Variants in PIEZO1 observed in about 807,000 individuals in gnomAD.
PIEZO1 encodes the protein piezo-type mechanosensitive ion channel component 1.
A neutral mutation model predicts 297.2 loss-of-function variants in PIEZO1; 296 were observed. The ratio of observed to expected loss-of-function variants is 1.00; its 90% CI spans 0.91 to 1.10. The LOEUF is 1.10. Ranked by LOEUF, PIEZO1 falls within the 50% of genes least tolerant of loss-of-function variation. The probability of loss-of-function intolerance (pLI) is 0.00; values close to 1 mark genes in which losing one functional copy is unlikely to be tolerated. For synonymous variants in PIEZO1, 2,427 were observed against 1,507.5 expected (o/e 1.61, Z -14.13); for missense variants, 5,018 against 3,455.5 (o/e 1.45, Z -11.34).
chr16:88,756,487 C>T (rs1277982088), intron 1 of PIEZO1, among the ~76,000 whole-genome samples: 2 of 152,386 alleles, frequency 1.3e-5, no homozygotes, highest in East Asian at 3.9e-4. Flanking sequence ...GGCACCGTGG[C>T]TCACGCCTGT....
intron 1 of PIEZO1, among the ~76,000 whole-genome samples, chr16:88,781,350 C>T (rs1046674739): frequency 7.9e-5 from 12 of 152,234 alleles, no homozygotes; most frequent in African/African-American, 2.2e-4. Flanking sequence ...GTGTCCTGGG[C>T]ACCAGTGACC....
intron 47 of PIEZO1, 35 bp from the exon 48 acceptor site, chr16:88,716,518 G>T (rs752462348): frequency 1.5e-5 from 23 of 1,537,782 alleles, no homozygotes; most frequent in Non-Finnish European, 2.0e-5. Context: ...CCACTGTAGT[G>T]GGTCCACCCA....
chr16:88,784,260 C>T lies in PIEZO1; in HGVS notation c.64+641G>A, dbSNP rs192566927. The stretch of plus-strand genomic sequence containing the variant: ...AGACCAGGGCAGAGGCCGGCCCCCG[C>T]CCCTGCGAAACTGAGCCCAGTAGGG... On this transcript the variant is annotated intron_variant, in intron 1 of 50. Coordinates refer to ENST00000301015, the MANE Select transcript of PIEZO1 (RefSeq NM_001142864.4). 1.5e-3 allele frequency among the ~76,000 whole-genome samples: 234 copies of T among 152,362 alleles called. 2 individuals carry two copies. The highest frequency in any genetic ancestry group is 3.1e-3 in the Admixed American group (47 of 15,314).
In PIEZO1 at chr16:88,719,735, G is replaced by C. The variant is rs147634754; in HGVS notation, c.6324-14C>G. On this transcript the variant is annotated splice_polypyrimidine_tract_variant and intron_variant, in intron 43 of 50. Coordinates refer to ENST00000301015, the MANE Select transcript of PIEZO1 (RefSeq NM_001142864.4). ...ACCAGCCGGAACCTGCCCACAGCCA[G>C]GGTTCCCGTCAGGTGGGCTCCCTCA... The C allele has an allele frequency of 6.4e-7, 1 of 1,550,536 alleles. No homozygotes were observed. Among genetic ancestry groups the C allele is most frequent in the Admixed American group, 2.0e-5 (1 of 51,016 alleles).
In PIEZO1 at chr16:88,736,123, C is replaced by T. The variant is rs768459797; in HGVS notation, c.1557+25G>A. 1.4e-4 allele frequency: 216 copies of T among 1,525,740 alleles called. 1 individual carries two copies. Among genetic ancestry groups the T allele is most frequent in the South Asian group, 6.7e-4 (55 of 82,322 alleles). The allele number at this position is 1,525,740 out of a possible 1,614,324, so 94.5% of individuals were successfully genotyped here. A position where few individuals can be genotyped will look rare whatever the true frequency, so the allele number is the denominator to read the frequency against. Reference sequence around the variant, plus strand: ...TGATGGGTCTGCGCACCCAGGCACCCCCGGATGTGGTGGTGCACACTCACC... The same window carrying T: ...TGATGGGTCTGCGCACCCAGGCACCTCCGGATGTGGTGGTGCACACTCACC... On this transcript the variant is annotated intron_variant, in intron 12 of 50. Transcript: ENST00000301015.
intron 3 of PIEZO1, 21 bp from the exon 4 acceptor site, chr16:88,742,116 A>G (rs1434055909): frequency 6.5e-7 from 1 of 1,535,390 alleles, no homozygotes; most frequent in East Asian, 2.4e-5. Context: ...AGACGGGGGA[A>G]CCCAGGTCAG....
rs574660946 is a variant in PIEZO1 at position 88,732,102 on chromosome 16, G to C, written c.2992-192C>G. Among the ~76,000 whole-genome samples, 6 of 152,000 alleles carry C rather than the reference G, an allele frequency of 3.9e-5. No homozygotes were observed. The South Asian group carries it at 1.0e-3, about 26-fold the overall frequency. ...GTTGCCATCGTGCAGGGGAAACTGA[G>C]GCTCCAGGAGGTGGGCTGTACAGTA... On this transcript the variant is annotated intron_variant, in intron 21 of 50. Transcript: ENST00000301015.
chr16:88,715,366 AT>A lies in PIEZO1; in HGVS notation c.*238del. ...GATTGTCCATTTGTATAAATAAAAC[AT>A]TTTTTAATTAAAAAAAAAACTCTAC... On this transcript the variant is annotated 3_prime_UTR_variant, in exon 51 of 51. Coordinates refer to ENST00000301015, the MANE Select transcript of PIEZO1 (RefSeq NM_001142864.4). The A allele has an allele frequency of 8.3e-7, 1 of 1,208,238 alleles. No homozygotes were observed. Among genetic ancestry groups the A allele is most frequent in the Non-Finnish European group, 1.1e-6 (1 of 879,544 alleles). 74.8% of individuals were successfully genotyped at this position (1,208,238 alleles called of 1,614,324 possible). A position where few individuals can be genotyped will look rare whatever the true frequency, so the allele number is the denominator to read the frequency against.
intron 1 of PIEZO1, among the ~76,000 whole-genome samples, chr16:88,767,972 G>T (rs915904296): frequency 1.3e-5 from 2 of 152,094 alleles, no homozygotes; most frequent in Non-Finnish European, 2.9e-5. Flanking sequence ...CCCTCCCCCG[G>T]GTCCAGACCC....
chr16:88,715,664 G>C lies in PIEZO1; in HGVS notation c.7507C>G (p.Leu2503Val), dbSNP rs1911948784. ...LELEEELYAKLIFLYRSPETM... is the reference protein window; with the variant it reads ...LELEEELYAKVIFLYRSPETM... ...TCCGGTGAGCGGTAGAGGAAGATGA[G>C]CTTGGCGTACAACTCCTCCTCCAGC... Residue 2503 changes from leucine (L) to valine (V), a missense_variant, in exon 51 of 51, where the codon CTC (leucine) becomes GTC (valine). Transcript: ENST00000301015. 6.5e-7 allele frequency: 1 copy of C among 1,550,214 alleles called. No individual in the cohort carries two copies. Among genetic ancestry groups the C allele is most frequent in the Non-Finnish European group, 8.7e-7 (1 of 1,146,966 alleles).
rs766484418 is a variant in PIEZO1 at position 88,741,534 on chromosome 16, C to T, written c.409G>A (p.Gly137Ser). 9.1e-6 allele frequency: 14 copies of T among 1,535,532 alleles called. No individual in the cohort carries two copies. The highest frequency in any genetic ancestry group is 5.5e-5 in the African/African-American group (4 of 73,006). Reference sequence around the variant, plus strand: ...TTCCTTGCAAGGCGCCCGCAGATGCCGAGGCAGACAGAGGAGACCACCAAG... The same window carrying T: ...TTCCTTGCAAGGCGCCCGCAGATGCTGAGGCAGACAGAGGAGACCACCAAG... Reference protein sequence around the residue: ...GILVVSSVCLGICGRLARNTR... With the variant: ...GILVVSSVCLSICGRLARNTR... The change falls in exon 5 of 51, where the codon GGC becomes AGC. Residue 137 changes from glycine to serine, a missense_variant. Coordinates refer to ENST00000301015, the MANE Select transcript of PIEZO1 (RefSeq NM_001142864.4).
chr16:88,755,424 C>G (rs1029662320), intron 1 of PIEZO1, among the ~76,000 whole-genome samples: 2 of 152,188 alleles, frequency 1.3e-5, no homozygotes, highest in Non-Finnish European at 2.9e-5. Context: ...CCTAAACAAA[C>G]CCGGTGCTGC....
At chr16:88,749,113 G>A (rs192802834) in intron 2 of PIEZO1, among the ~76,000 whole-genome samples, 1,927 of 151,220 alleles carry the variant, frequency 0.013, 35 homozygotes, top group African/African-American at 0.041. Flanking sequence ...GGTGGCGGGC[G>A]CCTGTAGTCC....
rs916140880 is a variant in PIEZO1, at chr16:88,727,588, G to A, written c.3270C>T (p.Phe1090=). The A allele has an allele frequency of 3.3e-6, 5 of 1,533,614 alleles. No homozygotes were observed. Among genetic ancestry groups the A allele is most frequent in the Non-Finnish European group, 3.5e-6 (4 of 1,135,678 alleles). The change falls in exon 23 of 51, where the codon TTC becomes TTT. Residue 1090 remains phenylalanine, a synonymous_variant. Transcript: ENST00000301015. ...GGTTGGTGGAGTTGGGGGCCCGGAA[G>A]AAATCAGGCAGGTACAGCCACTTGA... ...ALIKWLYLPD[F]FRAPNSTNLI...
Position 88,716,907 on chromosome 16 carries a change from G to C in PIEZO1, c.6661-9C>G. 6.5e-7 allele frequency: 1 copy of C among 1,549,562 alleles called. No homozygotes were observed. The highest frequency in any genetic ancestry group is 8.7e-7 in the Non-Finnish European group (1 of 1,146,838). On this transcript the variant is annotated splice_polypyrimidine_tract_variant and intron_variant, in intron 45 of 50. Coordinates refer to ENST00000301015, the MANE Select transcript of PIEZO1 (RefSeq NM_001142864.4). The stretch of plus-strand genomic sequence containing the variant: ...CTCATGGTGAACAGCGGCTGGGGCA[G>C]GCACGGGGACACGGGGCCACGAAGA...
At chr16:88,746,634 G>C (rs1025444116) in intron 2 of PIEZO1, among the ~76,000 whole-genome samples, 2 of 152,200 alleles carry the variant, frequency 1.3e-5, no homozygotes, top group Middle Eastern at 3.4e-3. Context: ...ACTCGGCTCG[G>C]GCAAGCCTCA....
chr16:88,764,140 G>C (rs1907058039), intron 1 of PIEZO1, among the ~76,000 whole-genome samples: 1 of 152,186 alleles, frequency 6.6e-6, no homozygotes, highest in Non-Finnish European at 1.5e-5. Context: ...CAGATGCGAA[G>C]GTCCTGGGGG....
intron 20 of PIEZO1, 34 bp downstream of exon 20, chr16:88,732,573 G>C (rs567667961): frequency 3.4e-5 from 52 of 1,543,140 alleles, no homozygotes; most frequent in Non-Finnish European, 4.2e-5. Context: ...CCGGGTACTC[G>C]CCCGCCCAGC....
At chr16:88,739,178 T>G in intron 5 of PIEZO1, 1 of 163,966 alleles carries the variant, frequency 6.1e-6, no homozygotes, top group Admixed American at 6.0e-5. Flanking sequence ...GTCTCCTGTG[T>G]ACCCCTGCCA....
Sources: allele counts gnomAD v4.1 joint callset (sites outside exome capture counted in the v4.1 genomes callset), GRCh38; gene constraint gnomAD v4.1.1; transcripts MANE v1.5; gene names NCBI Gene and HGNC (gene_info 2026-07-23, HGNC 2026-07-21).